The following COL5A2 variants were observed in gnomAD, a reference collection of about 807,000 sequenced individuals.
COL5A2 encodes the protein collagen alpha-2(V) chain.
A neutral mutation model predicts 208.2 loss-of-function variants in COL5A2; 23 were observed. The ratio of observed to expected loss-of-function variants is 0.11; its 90% confidence interval spans 0.08 to 0.16. COL5A2 has a LOEUF of 0.16. Among genes scored for constraint, COL5A2 ranks in the 10% least tolerant of loss-of-function variants. The probability of loss-of-function intolerance (pLI) is 1.00; values close to 1 mark genes in which losing one functional copy is unlikely to be tolerated. For missense variants in COL5A2, 1,590 were observed against 1,956.4 expected (o/e 0.81, Z 3.53); for synonymous variants, 625 against 628.5 (o/e 0.99, Z 0.08).
the COL5A2 span, among the ~76,000 whole-genome samples, chr2:189,403,541 A>G: frequency 6.6e-6 from 1 of 152,122 alleles, no homozygotes; most frequent in Non-Finnish European, 1.5e-5. Flanking sequence ...TCAGTATGAT[A>G]TTGATTGTGG....
the COL5A2 span, among the ~76,000 whole-genome samples, chr2:189,249,859 G>A: frequency 3.3e-5 from 5 of 152,078 alleles, no homozygotes; most frequent in African/African-American, 1.2e-4. Context: ...ACCACACCCA[G>A]CTAATTTTTT....
the COL5A2 span, among the ~76,000 whole-genome samples, chr2:189,428,455 T>C: frequency 1.3e-5 from 2 of 149,702 alleles, no homozygotes; most frequent in Non-Finnish European, 2.9e-5. Context: ...CCATCTCTAC[T>C]AAAAATACAA....
chr2:189,140,330 A>G (rs1381486414), intron 1 of COL5A2, among the ~76,000 whole-genome samples: 1 of 152,192 alleles, frequency 6.6e-6, no homozygotes, highest in Non-Finnish European at 1.5e-5. Context: ...TCAATGAAGA[A>G]CACAGCCCTC....
intron 1 of COL5A2, among the ~76,000 whole-genome samples, chr2:189,186,626 T>C (rs1468603646): frequency 2.0e-5 from 3 of 152,198 alleles, no homozygotes; most frequent in Admixed American, 1.3e-4. Flanking sequence ...TGCACAGTTT[T>C]TTCTCTTAAC....
chr2:189,068,851 C>T lies in COL5A2; in HGVS notation c.1192G>A (p.Glu398Lys). The T allele has an allele frequency of 6.2e-7, 1 of 1,613,026 alleles. No individual in the cohort carries two copies. Among genetic ancestry groups the T allele is most frequent in the Non-Finnish European group, 8.5e-7 (1 of 1,179,744 alleles). The change falls in exon 19 of 54, where the codon GAA becomes AAA. Residue 398 changes from glutamate (E) to lysine (K), a missense_variant. Transcript: ENST00000374866. ...EAGPTGARGP[E>K]GPQGQRGETG... Reference sequence around the variant, plus strand: ...TCACCTCTCTGCCCCTGAGGACCTTCAGGGCCTCGCGCCCCTGTAGGACCT... The same window carrying T: ...TCACCTCTCTGCCCCTGAGGACCTTTAGGGCCTCGCGCCCCTGTAGGACCT...
chr2:189,183,758 A>G (rs1250547481), upstream of COL5A2, among the ~76,000 whole-genome samples: 1 of 152,154 alleles, frequency 6.6e-6, no homozygotes, highest in African/African-American at 2.4e-5. Flanking sequence ...CCAGTTACCT[A>G]CAAAATATAA....
chr2:189,284,771 G>C, the COL5A2 span, among the ~76,000 whole-genome samples: 10 of 152,260 alleles, frequency 6.6e-5, no homozygotes, highest in African/African-American at 2.4e-4. Context: ...AAAACATACA[G>C]TGTACTTATA....
chr2:189,138,871 T>G (rs563032331), intron 1 of COL5A2, among the ~76,000 whole-genome samples: 7 of 152,132 alleles, frequency 4.6e-5, no homozygotes, highest in African/African-American at 7.2e-5. Flanking sequence ...TAAATATCTA[T>G]GAGTCCATAC....
rs1553513577 is a variant in COL5A2, at chr2:189,045,194, C to T, written c.3348G>A (p.Gly1116=). 1.9e-6 allele frequency: 3 copies of T among 1,606,014 alleles called. No individual in the cohort carries two copies. The highest frequency in any genetic ancestry group is 2.5e-6 in the Non-Finnish European group (3 of 1,176,504). ...GAGAACTTACAGGTAATCCACGTTT[C>T]CCAGCTCGACCAGGTGGTCCTATAG... ...RGPIGPPGRA[G]KRGLPGPQGP... Residue 1116 remains glycine (G), a synonymous_variant, in exon 47 of 54, where the codon GGG becomes GGA. Coordinates refer to ENST00000374866, the MANE Select transcript of COL5A2 (RefSeq NM_000393.5).
chr2:189,290,814 A>G, the COL5A2 span, among the ~76,000 whole-genome samples: 1 of 151,650 alleles, frequency 6.6e-6, no homozygotes, highest in Non-Finnish European at 1.5e-5. Context: ...TATGTTAGAC[A>G]TAACAAATAT....
the COL5A2 span, among the ~76,000 whole-genome samples, chr2:189,406,498 T>C: frequency 6.6e-6 from 1 of 152,148 alleles, no homozygotes; most frequent in African/African-American, 2.4e-5. Context: ...TTCTTAACAT[T>C]GTACCCCTCC....
At chr2:189,068,148 A>G (rs375779107) in intron 20 of COL5A2, 35 bp from the exon 21 acceptor site, 547 of 1,604,972 alleles carry the variant, frequency 3.4e-4, no homozygotes, top group Non-Finnish European at 4.3e-4. Context: ...GTAAGTAGAG[A>G]CACAGGTAGC....
chr2:189,127,196 C>T (rs1553519961), intron 1 of COL5A2, among the ~76,000 whole-genome samples: 1 of 150,796 alleles, frequency 6.6e-6, no homozygotes, highest in Non-Finnish European at 1.5e-5. Flanking sequence ...AGAGAAGAGA[C>T]AAAAAAAAGG....
chr2:189,134,321 G>A (rs759221107), intron 1 of COL5A2, among the ~76,000 whole-genome samples: 1 of 152,316 alleles, frequency 6.6e-6, no homozygotes, highest in Non-Finnish European at 1.5e-5. Context: ...TGGATGTGGT[G>A]GCTCACACCT....
intron 1 of COL5A2, among the ~76,000 whole-genome samples, chr2:189,164,840 AAG>A (rs1688435916): frequency 6.6e-6 from 1 of 152,216 alleles, no homozygotes; most frequent in Non-Finnish European, 1.5e-5. Context: ...TTTATAAGGA[AAG>A]AGAGCTTTAT....
the COL5A2 span, among the ~76,000 whole-genome samples, chr2:189,241,903 C>T: frequency 6.6e-6 from 1 of 152,128 alleles, no homozygotes; most frequent in Non-Finnish European, 1.5e-5. Context: ...CCAACCTTTG[C>T]TAATTTGGCA....
chr2:189,170,111 A>G (rs1182809257), intron 1 of COL5A2, among the ~76,000 whole-genome samples: 2 of 151,542 alleles, frequency 1.3e-5, no homozygotes, highest in Non-Finnish European at 3.0e-5. Flanking sequence ...TAGGTGTTAG[A>G]TAGATAGATA....
At chr2:189,057,710 T>C (rs753477088) in intron 33 of COL5A2, among the ~76,000 whole-genome samples, 46 of 152,314 alleles carry the variant, frequency 3.0e-4, no homozygotes, top group Admixed American at 5.9e-4. Context: ...TTTCCCTCTG[T>C]TGGCAACATA....
the COL5A2 span, among the ~76,000 whole-genome samples, chr2:189,336,063 A>T: frequency 5.3e-5 from 8 of 152,188 alleles, no homozygotes; most frequent in Non-Finnish European, 1.5e-5. Context: ...AAAGACAAAA[A>T]ATTAAAAATG....
Sources: gnomAD v4.1 joint callset for allele counts (sites outside exome capture counted in the v4.1 genomes callset) on GRCh38, gnomAD v4.1.1 for gene constraint, MANE v1.5 for transcripts, NCBI Gene and HGNC (gene_info 2026-07-23, HGNC 2026-07-21) for gene names.